The following ADAMTS17 variants were observed in gnomAD, a reference collection of about 807,000 sequenced individuals.
ADAMTS17 encodes the protein ADAM metallopeptidase with thrombospondin type 1 motif 17.
In ADAMTS17, 113 loss-of-function variants were observed where a neutral mutation model predicts 141.5. The observed-to-expected ratio is 0.80, with a 90% CI of 0.69 to 0.93. The LOEUF (loss-of-function observed/expected upper bound fraction) is 0.93. Among genes scored for constraint, ADAMTS17 ranks in the 40% least tolerant of loss-of-function variants. The pLI is 0.00. For synonymous variants in ADAMTS17, 768 were observed against 630.6 expected (o/e 1.22, Z -3.27); for missense variants, 1,659 against 1,517.9 (o/e 1.09, Z -1.54).
chr15:100,237,170 G>A (rs1194616929), intron 7 of ADAMTS17, among the ~76,000 whole-genome samples: 1 of 152,302 alleles, frequency 6.6e-6, no homozygotes, highest in East Asian at 1.9e-4. Flanking sequence ...TCACTATGCA[G>A]CCCGGTGAGG....
rs775686481 is a variant in ADAMTS17, at chr15:100,281,386, G to A, written c.632C>T (p.Thr211Met). Residue 211 changes from threonine (T) to methionine (M), a missense_variant, in exon 4 of 22, where the codon ACG becomes ATG. Coordinates refer to ENST00000268070, the MANE Select transcript of ADAMTS17 (RefSeq NM_139057.4). Reference protein sequence around the residue: ...CKVLTEKKKPTWGRPSRDWRE... With the variant: ...CKVLTEKKKPMWGRPSRDWRE... ...CCAGTCCCGCGAAGGCCTGCCCCAC[G>A]TCGGCTTCTTCTTTTCTAGAAAATG... The A allele has an allele frequency of 5.0e-5, 80 of 1,612,438 alleles. No individual in the cohort carries two copies. The highest frequency in any genetic ancestry group is 5.9e-5 in the Non-Finnish European group (70 of 1,179,954).
intron 3 of ADAMTS17, among the ~76,000 whole-genome samples, chr15:100,323,393 C>T (rs972020367): frequency 6.6e-6 from 1 of 152,116 alleles, no homozygotes; most frequent in Non-Finnish European, 1.5e-5. Context: ...CTATACTGTA[C>T]TGCCTCTTTA....
chr15:100,255,482 A>C (rs1015211695), intron 6 of ADAMTS17, among the ~76,000 whole-genome samples: 1 of 152,206 alleles, frequency 6.6e-6, no homozygotes, highest in African/African-American at 2.4e-5. Context: ...TAGAAGATGA[A>C]GCAATAGGCG....
intron 3 of ADAMTS17, among the ~76,000 whole-genome samples, chr15:100,308,051 T>G (rs1431221323): frequency 6.6e-6 from 1 of 152,228 alleles, no homozygotes; most frequent in East Asian, 1.9e-4. Context: ...TTTAAAACGG[T>G]AAGCTCATCT....
At chr15:100,335,888 T>C (rs1296476270) in intron 2 of ADAMTS17, among the ~76,000 whole-genome samples, 1 of 152,202 alleles carries the variant, frequency 6.6e-6, no homozygotes, top group Non-Finnish European at 1.5e-5. Flanking sequence ...AGAATGTGAC[T>C]ATGCATCTGG....
intron 7 of ADAMTS17, among the ~76,000 whole-genome samples, chr15:100,246,538 T>C (rs1008352869): frequency 6.6e-6 from 1 of 152,188 alleles, no homozygotes; most frequent in African/African-American, 2.4e-5. Flanking sequence ...ACAACGAATA[T>C]GTAATTAAGC....
chr15:100,211,290 C>T, intron 7 of ADAMTS17, among the ~76,000 whole-genome samples: 1 of 85,746 alleles, frequency 1.2e-5, no homozygotes, highest in African/African-American at 5.1e-5. Context: ...AGCAAGACAA[C>T]TTCATCTCAA....
chr15:100,290,047 T>C (rs2044577391), intron 3 of ADAMTS17, among the ~76,000 whole-genome samples: 2 of 152,046 alleles, frequency 1.3e-5, no homozygotes, highest in African/African-American at 2.4e-5. Flanking sequence ...ATAAAAGACA[T>C]CATACAGGAA....
chr15:100,293,826 C>T (rs1175962762), intron 3 of ADAMTS17, among the ~76,000 whole-genome samples: 30 of 152,182 alleles, frequency 2.0e-4, no homozygotes, highest in Admixed American at 1.3e-4. Context: ...AGTTATTGAA[C>T]GATTTGTTTA....
intron 3 of ADAMTS17, among the ~76,000 whole-genome samples, chr15:100,316,957 A>G (rs1327876393): frequency 6.6e-6 from 1 of 152,192 alleles, no homozygotes; most frequent in Non-Finnish European, 1.5e-5. Flanking sequence ...TCCCTTTTAC[A>G]GTATCTGACA....
At chr15:100,051,542 C>T (rs1260087294) in intron 17 of ADAMTS17, 30 bp downstream of exon 17, 1 of 1,612,410 alleles carries the variant, frequency 6.2e-7, no homozygotes, top group Non-Finnish European at 8.5e-7. Context: ...AAACCCCACA[C>T]CCAACAGGTC....
At chr15:99,990,811 T>C (rs1199357472) in intron 20 of ADAMTS17, among the ~76,000 whole-genome samples, 4 of 152,258 alleles carry the variant, frequency 2.6e-5, no homozygotes, top group East Asian at 1.9e-4. Context: ...TGTTGCCACA[T>C]TTTCATAGCG....
intron 8 of ADAMTS17, among the ~76,000 whole-genome samples, chr15:100,156,190 G>A (rs2039427966): frequency 6.6e-6 from 1 of 152,198 alleles, no homozygotes; most frequent in Non-Finnish European, 1.5e-5. Context: ...GATGAACACT[G>A]ACACAGATAA....
At chr15:100,133,342 T>G (rs557228251) in intron 10 of ADAMTS17, 27 bp from the exon 11 acceptor site, 12 of 1,558,392 alleles carry the variant, frequency 7.7e-6, no homozygotes, top group Non-Finnish European at 1.0e-5. Flanking sequence ...GGAACCATAA[T>G]TGTGGAGAAC....
intron 14 of ADAMTS17, among the ~76,000 whole-genome samples, chr15:100,108,550 T>C (rs545943574): frequency 7.5e-4 from 114 of 152,318 alleles, no homozygotes; most frequent in African/African-American, 2.6e-3. Flanking sequence ...CCTTTGGGAC[T>C]ATATACCAGT....
chr15:100,088,412 C>A, intron 15 of ADAMTS17, among the ~76,000 whole-genome samples: 1 of 152,142 alleles, frequency 6.6e-6, no homozygotes, highest in Non-Finnish European at 1.5e-5. Context: ...GGCCATACTG[C>A]CCAAGGTAAT....
At position 100,116,884 on chromosome 15, in the gene ADAMTS17, G is replaced by C; in HGVS notation, c.1851C>G (p.Pro617=). ...CGGCTGTCAGCAGGCCTTTCTTCTT[G>C]GGGCTCAGCCGGTCGTGTGCCTGGC... ...QQCQAHDRLS[P]KKKGLLTAVV... The change falls in exon 13 of 22, where the codon CCC becomes CCG. Residue 617 remains proline (P), a synonymous_variant. Coordinates refer to ENST00000268070, the MANE Select transcript of ADAMTS17 (RefSeq NM_139057.4). 1 of 1,614,146 alleles carries C rather than the reference G, an allele frequency of 6.2e-7. No homozygotes were observed. Among genetic ancestry groups the C allele is most frequent in the Non-Finnish European group, 8.5e-7 (1 of 1,180,014 alleles).
intron 11 of ADAMTS17, among the ~76,000 whole-genome samples, 192 bp from the exon 12 acceptor site, chr15:100,132,344 G>C (rs1198160786): frequency 2.0e-5 from 3 of 152,230 alleles, no homozygotes; most frequent in Admixed American, 2.0e-4. Context: ...CACTCATATC[G>C]CTGTAGGGTT....
At chr15:100,125,828 T>TA (rs1374579114) in intron 12 of ADAMTS17, among the ~76,000 whole-genome samples, 1 of 151,676 alleles carries the variant, frequency 6.6e-6, no homozygotes, top group Non-Finnish European at 1.5e-5. Context: ...AGACCAAGAC[T>TA]AAAAAAAATA....
Sources: gnomAD v4.1 joint callset for allele counts (sites outside exome capture counted in the v4.1 genomes callset) on GRCh38, gnomAD v4.1.1 for gene constraint, MANE v1.5 for transcripts, NCBI Gene and HGNC (gene_info 2026-07-23, HGNC 2026-07-21) for gene names.